Variants in EI24 observed in about 807,000 individuals in gnomAD.
EI24 encodes EI24 autophagy associated transmembrane protein, also known as etoposide-induced protein 2.4 homolog.
EI24 carries 21 observed loss-of-function variants against 48.6 expected under a neutral mutation model. That is an observed-to-expected ratio of 0.43 (90% CI 0.31 to 0.62). EI24 has a LOEUF of 0.62. Among genes scored for constraint, EI24 ranks in the 20% least tolerant of loss-of-function variants. The pLI, the probability that EI24 is intolerant of heterozygous loss-of-function variation, is 0.10. For missense variants in EI24, 280 were observed against 410.5 expected, an observed-to-expected ratio of 0.68 and a Z score of 2.75; for synonymous variants, 114 against 145.5, an observed-to-expected ratio of 0.78 and a Z score of 1.56.
At chr11:125,579,648 CAA>C (rs1300966268) in intron 7 of EI24, among the ~76,000 whole-genome samples, 2 of 152,086 alleles carry the variant, frequency 1.3e-5, no homozygotes, top group African/African-American at 4.8e-5. Context: ...GCCTGGGCGA[CAA>C]GAGCAAAACT....
At chr11:125,581,930 G>A (rs1210237215) in intron 9 of EI24, among the ~76,000 whole-genome samples, 6 of 152,122 alleles carry the variant, frequency 3.9e-5, no homozygotes, top group South Asian at 2.1e-4. Flanking sequence ...GGGTGCCACG[G>A]CTCACGCCTG....
intron 8 of EI24, 117 bp downstream of exon 8, chr11:125,580,321 C>T (rs1309419135): frequency 1.3e-6 from 1 of 766,988 alleles, no homozygotes; most frequent in African/African-American, 1.7e-5. Flanking sequence ...TTGAGGGAAG[C>T]AGCCTCATTG....
At position 125,581,259 on chromosome 11, in the gene EI24, A is replaced by T. The variant is rs754323798; in HGVS notation, c.722A>T (p.Tyr241Phe). ...RLSNIERNWP[Y>F]YFGFGLPLAF... is the part of the protein sequence containing the mutation. ...TCTAACATAGAAAGGAATTGGCCTT[A>T]CTACTTTGGGTTTGGTTTGCCCTTG... The change falls in exon 9 of 11, where the codon TAC (tyrosine) becomes TTC (phenylalanine). Residue 241 changes from tyrosine to phenylalanine, a missense_variant. By Grantham distance (22) the Tyr-to-Phe change is conservative (BLOSUM62 3). This residue lies in a region of EI24 where 204 missense variants were observed against 294.1 expected (regional missense o/e 0.69). Coordinates refer to ENST00000278903, the MANE Select transcript of EI24 (RefSeq NM_004879.5). 6.2e-7 allele frequency: 1 copy of T among 1,612,468 alleles called. No individual in the cohort carries two copies. The highest frequency in any genetic ancestry group is 8.5e-7 in the Non-Finnish European group (1 of 1,178,976).
chr11:125,578,527 C>T lies in EI24; in HGVS notation c.441+270C>T, dbSNP rs1175313637. Among the ~76,000 whole-genome samples the T allele has an allele frequency of 2.0e-4, 29 of 146,116 alleles. 1 individual carries two copies. Among genetic ancestry groups the T allele is most frequent in the Non-Finnish European group, 1.3e-4 (9 of 66,930 alleles). On this transcript the variant is annotated intron_variant, in intron 6 of 10. Coordinates refer to ENST00000278903, the MANE Select transcript of EI24 (RefSeq NM_004879.5). ...TTTGAGACAGTCTCACTCTGTCGCC[C>T]AGGCTGGAGTGCACTGCAACCTTTG...
At position 125,579,013 on chromosome 11, in the gene EI24, A is replaced by G; in HGVS notation, c.506A>G (p.Lys169Arg). Residue 169 changes from lysine (K) to arginine (R), a missense_variant, in exon 7 of 11, where the codon AAA becomes AGA. Coordinates refer to ENST00000278903, the MANE Select transcript of EI24 (RefSeq NM_004879.5). ...CCTCACCCATTCCCTAGTGTCAGCA[A>G]AATAATTGCTGACATGCTCTTCAAC... ...RKPHPFPSVS[K>R]IIADMLFNLL... The G allele has an allele frequency of 6.3e-7, 1 of 1,586,978 alleles. No homozygotes were observed. Among genetic ancestry groups the G allele is most frequent in the Non-Finnish European group, 8.6e-7 (1 of 1,165,398 alleles).
chr11:125,579,588 AC>A (rs904415540), intron 7 of EI24, among the ~76,000 whole-genome samples: 1 of 152,038 alleles, frequency 6.6e-6, no homozygotes, highest in African/African-American at 2.4e-5. Flanking sequence ...AATCGCTTGA[AC>A]CCAGGAGGCA....
At position 125,583,639 on chromosome 11, in the gene EI24, C is replaced by T. The variant is rs1451147333; in HGVS notation, c.979C>T (p.Pro327Ser). The T allele has an allele frequency of 3.7e-6, 6 of 1,613,340 alleles. No homozygotes were observed. The highest frequency in any genetic ancestry group is 1.7e-5 in the Admixed American group (1 of 59,920). ...SSTSAEKFPS[P>S]HPSPAKLKAT... ...TACTTCTGCAGAGAAGTTCCCTTCA[C>T]CGCATCCGTCGCCTGCCAAACTGAA... Residue 327 changes from proline (P) to serine (S), a missense_variant, in exon 11 of 11, where the codon CCG becomes TCG. Physicochemically the swap from Pro to Ser is moderately conservative, Grantham distance 74 (BLOSUM62 -1). Transcript: ENST00000278903.
intron 8 of EI24, 105 bp downstream of exon 8, chr11:125,580,309 C>T: frequency 1.2e-6 from 1 of 850,962 alleles, no homozygotes; most frequent in South Asian, 1.5e-5. Context: ...GCAAACAATC[C>T]TTTGAGGGAA....
chr11:125,580,185 A>G lies in EI24; in HGVS notation c.654A>G (p.Glu218=), dbSNP rs1382299230. The G allele has an allele frequency of 1.2e-6, 2 of 1,612,860 alleles. No individual in the cohort carries two copies. The highest frequency in any genetic ancestry group is 1.3e-5 in the African/African-American group (1 of 74,900). The change falls in exon 8 of 11, where the codon GAA becomes GAG. Residue 218 remains glutamate, a synonymous_variant. Coordinates refer to ENST00000278903, the MANE Select transcript of EI24 (RefSeq NM_004879.5). The part of the protein sequence containing the change: ...MSLLYSLYCF[E]YRWFNKGIEM... ...TTCTCTACTCACTGTACTGCTTTGAATATCGTTGGTTCAATAAAGGTAAGT... is the reference window on the plus strand; with the variant it reads ...TTCTCTACTCACTGTACTGCTTTGAGTATCGTTGGTTCAATAAAGGTAAGT...
Position 125,583,661 on chromosome 11 carries a change from T to C in EI24, c.1001T>C (p.Leu334Pro), listed in dbSNP as rs781510255. The change falls in exon 11 of 11, where the codon CTG (leucine) becomes CCG (proline). Residue 334 changes from leucine (L) to proline (P), a missense_variant. By Grantham distance (98) the Leu-to-Pro change is moderately conservative. Around this residue, in one of 3 missense-constraint regions of EI24, gnomAD observed 62 missense variants for 65.1 expected, o/e 0.95. Coordinates refer to ENST00000278903, the MANE Select transcript of EI24 (RefSeq NM_004879.5). ...FPSPHPSPAK[L>P]KATAGH ...TCACCGCATCCGTCGCCTGCCAAAC[T>C]GAAGGCTACTGCAGGTCACTGAGTT... The C allele has an allele frequency of 6.2e-7, 1 of 1,613,112 alleles. No individual in the cohort carries two copies. Among genetic ancestry groups the C allele is most frequent in the South Asian group, 1.1e-5 (1 of 90,870 alleles).
intron 3 of EI24, chr11:125,575,778 A>G (rs1433460359): frequency 3.7e-6 from 1 of 273,044 alleles, no homozygotes; most frequent in Non-Finnish European, 7.0e-6. Context: ...TTCCATATAT[A>G]TACACATTTT....
chr11:125,572,382 A>G, intron 1 of EI24, 76 bp from the exon 2 acceptor site: 1 of 711,456 alleles, frequency 1.4e-6, no homozygotes, highest in Middle Eastern at 3.6e-4. Flanking sequence ...ATGTGAGGTC[A>G]TCATGTGGAA....
intron 9 of EI24, 95 bp downstream of exon 9, chr11:125,581,417 A>G (rs1591360832): frequency 7.3e-6 from 5 of 687,614 alleles, no homozygotes; most frequent in Non-Finnish European, 9.7e-6. Context: ...CGCATTCTAC[A>G]TCATCATTTG....
chr11:125,578,805 A>G lies in EI24; in HGVS notation c.442-144A>G, dbSNP rs1591358691. ...CTTAGCCTCCTGAGTAGCTGGGACTATAGGCACATGCCATCGTGCCCAGCT... is the reference window on the plus strand; with the variant it reads ...CTTAGCCTCCTGAGTAGCTGGGACTGTAGGCACATGCCATCGTGCCCAGCT... On this transcript the variant is annotated intron_variant, in intron 6 of 10. Coordinates refer to ENST00000278903, the MANE Select transcript of EI24 (RefSeq NM_004879.5). 4 of 977,586 alleles carry G rather than the reference A, an allele frequency of 4.1e-6. No homozygotes were observed. In the South Asian group the frequency reaches 5.1e-5, roughly 13 times the overall value. The allele number at this position is 977,586 out of a possible 1,614,324, so 60.6% of individuals were successfully genotyped here.
At chr11:125,577,409 A>C in intron 4 of EI24, 95 bp from the exon 5 acceptor site, 1 of 1,260,270 alleles carries the variant, frequency 7.9e-7, no homozygotes, top group Non-Finnish European at 1.1e-6. Context: ...GATTTATAAA[A>C]GTCACTCCCA....
At chr11:125,574,473 C>T (rs1258177440) in intron 2 of EI24, among the ~76,000 whole-genome samples, 1 of 152,180 alleles carries the variant, frequency 6.6e-6, no homozygotes, top group African/African-American at 2.4e-5. Flanking sequence ...AGATCAAAGG[C>T]ACACTGTGCC....
At chr11:125,573,679 C>CT (rs61292979) in intron 2 of EI24, 1,247 of 93,190 alleles carry the variant, frequency 0.013, 97 homozygotes, top group South Asian at 0.045. Context: ...ATATGATCTC[C>CT]TTTTTTTTTT....
intron 6 of EI24, 109 bp from the exon 7 acceptor site, chr11:125,578,840 A>G: frequency 7.6e-7 from 1 of 1,316,348 alleles, no homozygotes; most frequent in Non-Finnish European, 1.0e-6. Flanking sequence ...TTATTTTTAA[A>G]TAAGCCTTTT....
intron 1 of EI24, among the ~76,000 whole-genome samples, chr11:125,572,072 A>C (rs2135847610): frequency 6.6e-6 from 1 of 152,316 alleles, no homozygotes; most frequent in Non-Finnish European, 1.5e-5. Flanking sequence ...AAAATTGCTT[A>C]AGAAGATATT....
Sources: gnomAD v4.1 joint callset for allele counts (sites outside exome capture counted in the v4.1 genomes callset) on GRCh38, gnomAD v4.1.1 for gene constraint, gnomAD v4.1.1 regional missense constraint, MANE v1.5 for transcripts, NCBI Gene and HGNC (gene_info 2026-07-23, HGNC 2026-07-21) for gene names.